The following TMC6 variants were observed in gnomAD, a reference collection of about 807,000 sequenced individuals.
TMC6 encodes the protein transmembrane channel like 6.
In TMC6, 71 loss-of-function variants were observed where a neutral mutation model predicts 95.4. The ratio of observed to expected loss-of-function variants is 0.74; its 90% confidence interval spans 0.61 to 0.91. The LOEUF is 0.91. TMC6 is among the 40% of genes least tolerant of loss of function. The pLI is 0.00. For missense variants in TMC6, 1,074 were observed against 1,079.1 expected (o/e 1.00, Z 0.07); for synonymous variants, 514 against 483.1 (o/e 1.06, Z -0.84).
In TMC6 at chr17:78,119,942, C is replaced by A. The variant is rs538067075; in HGVS notation, c.1716-550G>T. 10 of 343,348 alleles carry A rather than the reference C, an allele frequency of 2.9e-5. No homozygotes were observed. The East Asian group carries it at 7.3e-4, about 25-fold the overall frequency. 21.3% of individuals were successfully genotyped at this position (343,348 alleles called of 1,614,324 possible). A position where few individuals can be genotyped will look rare whatever the true frequency, so the allele number is the denominator to read the frequency against. ...GGATTACAGGCGTGAGCCACCACACCGGGCCTCCTACTGATTTTTTTAATC... is the reference window on the plus strand; with the variant it reads ...GGATTACAGGCGTGAGCCACCACACAGGGCCTCCTACTGATTTTTTTAATC... On this transcript the variant is annotated intron_variant, in intron 13 of 19. Transcript: ENST00000590602.
upstream of TMC6, chr17:78,132,029 G>A (rs1160736604): frequency 1.3e-6 from 2 of 1,534,416 alleles, no homozygotes; most frequent in Non-Finnish European, 1.7e-6. Flanking sequence ...ACGAGATCGG[G>A]GGTAGGACCC....
intron 1 of TMC6, among the ~76,000 whole-genome samples, chr17:78,127,762 A>G (rs559729063): frequency 3.7e-4 from 57 of 152,362 alleles, no homozygotes; most frequent in Non-Finnish European, 5.6e-4. Flanking sequence ...TTCCTCGGAC[A>G]GGCAAAGCCC....
Position 78,126,656 on chromosome 17 carries a change from G to A in TMC6, c.57-8C>T, listed in dbSNP as rs1327249649. On this transcript the variant is annotated splice_region_variant and splice_polypyrimidine_tract_variant and intron_variant, in intron 2 of 19. Coordinates refer to ENST00000590602, the MANE Select transcript of TMC6 (RefSeq NM_001127198.5). ...TAGGGGCTGGGGCCCTGGCTGCAGA[G>A]GGGGTTGGCGGGGGGGTCAGGCTCC... 2 of 1,612,884 alleles carry A rather than the reference G, an allele frequency of 1.2e-6. No individual in the cohort carries two copies. The highest frequency in any genetic ancestry group is 1.7e-6 in the Non-Finnish European group (2 of 1,179,864).
chr17:78,125,898 T>TGGGCA lies in TMC6; in HGVS notation c.272-19_272-15dup, dbSNP rs745306361. 2.6e-6 allele frequency: 4 copies of TGGGCA among 1,550,164 alleles called. No individual in the cohort carries two copies. In the South Asian group the frequency reaches 3.6e-5, roughly 14 times the overall value. On this transcript the variant is annotated splice_polypyrimidine_tract_variant and intron_variant, in intron 4 of 19. Transcript: ENST00000590602. ...CTCGGCTGCGGCCTATGGAGGCAGCTGGGCAGGGCCGGGCCGGGCAGGGCC... is the reference window on the plus strand; with the variant it reads ...CTCGGCTGCGGCCTATGGAGGCAGCTGGGCAGGGCAGGGCCGGGCCGGGCAGGGCC...
At chr17:78,119,447 G>C in intron 13 of TMC6, 55 bp from the exon 14 acceptor site, 1 of 1,584,298 alleles carries the variant, frequency 6.3e-7, no homozygotes, top group Non-Finnish European at 8.7e-7. Flanking sequence ...AGGGAGGCCA[G>C]CCTGAGTCCC....
rs1474865 is a variant in TMC6, at chr17:78,122,806, G to C, written c.1083-57C>G. On this transcript the variant is annotated intron_variant, in intron 9 of 19. Transcript: ENST00000590602. This position sits in a 1 kb window ranked among gnomAD's most constrained non-coding sequence, Gnocchi z 4.9. ...AACAAGCTGACGGGCAGAGGCCAAG[G>C]GGAGAAGGCAGACCGGATGCTCTGG... 0.12 allele frequency: 190,615 copies of C among 1,581,414 alleles called. 11,957 individuals are homozygous for C. Among genetic ancestry groups the C allele is most frequent in the South Asian group, 0.15 (13,598 of 87,972 alleles).
chr17:78,125,997 T>C lies in TMC6; in HGVS notation c.272-113A>G, dbSNP rs761772. The C allele has an allele frequency of 0.13, 180,636 of 1,441,458 alleles. 11,818 individuals are homozygous for C. Among genetic ancestry groups the C allele is most frequent in the South Asian group, 0.16 (12,982 of 80,620 alleles). 89.3% of individuals were successfully genotyped at this position (1,441,458 alleles called of 1,614,324 possible). A position where few individuals can be genotyped will look rare whatever the true frequency, so the allele number is the denominator to read the frequency against. The stretch of plus-strand genomic sequence containing the variant: ...CACCCCTTCCCAGGACCCAGGAAAA[T>C]CCTTTCAACAAAGACTTCAGGCACC... On this transcript the variant is annotated intron_variant, in intron 4 of 19. Transcript: ENST00000590602.
At chr17:78,117,713 C>T in intron 16 of TMC6, 69 bp from the exon 17 acceptor site, 1 of 1,559,112 alleles carries the variant, frequency 6.4e-7, no homozygotes, top group Non-Finnish European at 8.7e-7. Flanking sequence ...CCAGCCCGTC[C>T]TCTGCACCCC....
chr17:78,131,956 G>C (rs1399133417), upstream of TMC6: 1 of 1,517,806 alleles, frequency 6.6e-7, no homozygotes, highest in Non-Finnish European at 8.8e-7. Context: ...ACGGTGGAAA[G>C]GCGCCTGCGG....
intron 15 of TMC6, 134 bp downstream of exon 15, chr17:78,118,837 G>T: frequency 1.0e-6 from 1 of 973,624 alleles, no homozygotes; most frequent in Non-Finnish European, 1.6e-6. Flanking sequence ...ACAGGCCAGG[G>T]CAGCCCCGAG....
chr17:78,128,738 T>C lies in TMC6; in HGVS notation c.-201A>G, dbSNP rs889544476. 2.4e-5 allele frequency: 3 copies of C among 127,650 alleles called. No individual in the cohort carries two copies. The highest frequency in any genetic ancestry group is 3.2e-5 in the Non-Finnish European group (2 of 62,726). The allele number at this position is 127,650 out of a possible 1,614,324, so 7.9% of individuals were successfully genotyped here. A position where few individuals can be genotyped will look rare whatever the true frequency, so the allele number is the denominator to read the frequency against. On this transcript the variant is annotated 5_prime_UTR_variant, in exon 1 of 20. Transcript: ENST00000590602. The surrounding 1 kb of genome is among the most constrained non-coding windows in gnomAD (Gnocchi z 4.0). ...AGTGGCAAAGGGCCCCAGGGGCGACTGGGCCAGTCGCAGGTCTGCCGGGGC... is the reference window on the plus strand; with the variant it reads ...AGTGGCAAAGGGCCCCAGGGGCGACCGGGCCAGTCGCAGGTCTGCCGGGGC...
rs1434426967 is a variant in TMC6, at chr17:78,124,448, G to A, written c.891+76C>T. ...AAGGGTTGGGGGCCCCAGGGGAGCT[G>A]GGACAAGAAGGGAACACGGTACCAG... On this transcript the variant is annotated intron_variant, in intron 8 of 19. Transcript: ENST00000590602. 4.4e-6 allele frequency: 7 copies of A among 1,591,544 alleles called. No individual in the cohort carries two copies. In the African/African-American group the frequency reaches 6.7e-5, roughly 15 times the overall value.
Position 78,124,682 on chromosome 17 carries a change from C to T in TMC6, c.733G>A (p.Val245Met), listed in dbSNP as rs1567999403. The T allele has an allele frequency of 3.1e-6, 5 of 1,606,098 alleles. No individual in the cohort carries two copies. The Admixed American group carries it at 5.1e-5, about 16-fold the overall frequency. The change falls in exon 8 of 20, where the codon GTG (valine) becomes ATG (methionine). Residue 245 changes from valine (V) to methionine (M), a missense_variant. Val to Met is a conservative substitution (Grantham distance 21). Transcript: ENST00000590602. ...TTGAGAAAGAGGAAGTAGGAGAGCA[C>T]GCTGGAGCCGAACTGGCCCCCGATG... is the stretch of plus-strand genomic sequence containing the variant. Reference protein sequence around the residue: ...KRIGGQFGSSVLSYFLFLKTL... With the variant: ...KRIGGQFGSSMLSYFLFLKTL...
chr17:78,127,637 G>A (rs983750022), intron 1 of TMC6, among the ~76,000 whole-genome samples: 1 of 152,234 alleles, frequency 6.6e-6, no homozygotes. Context: ...CTGTGAGAGT[G>A]GAGCCAGGAC....
At chr17:78,114,735 A>G (rs1456924739) in intron 18 of TMC6, among the ~76,000 whole-genome samples, 1 of 152,182 alleles carries the variant, frequency 6.6e-6, no homozygotes, top group Non-Finnish European at 1.5e-5. Flanking sequence ...CTTAAGCAAC[A>G]ACCTAAGTAG....
At position 78,111,439 on chromosome 17, in the gene TMC6, A is replaced by G. The variant is rs944248384; in HGVS notation, c.*1709T>C. The G allele has an allele frequency of 4.6e-5, 7 of 152,376 alleles. No individual in the cohort carries two copies. Among genetic ancestry groups the G allele is most frequent in the African/African-American group, 1.7e-4 (7 of 41,476 alleles). The allele number at this position is 152,376 out of a possible 1,614,324, so 9.4% of individuals were successfully genotyped here. A position where few individuals can be genotyped will look rare whatever the true frequency, so the allele number is the denominator to read the frequency against. ...GGACCGTGATGGTTTGGAGGACAGC[A>G]TCTGCACAGATAGGGGCTGGAAACC... On this transcript the variant is annotated 3_prime_UTR_variant, in exon 20 of 20. Coordinates refer to ENST00000590602, the MANE Select transcript of TMC6 (RefSeq NM_001127198.5).
At chr17:78,123,558 T>C (rs552433092) in intron 9 of TMC6, among the ~76,000 whole-genome samples, 59 of 140,948 alleles carry the variant, frequency 4.2e-4, no homozygotes, top group Non-Finnish European at 8.1e-4. Context: ...GATGGGTGGG[T>C]GGATGGGTGA....
At chr17:78,129,703 T>C (rs760114995), upstream of TMC6, among the ~76,000 whole-genome samples, 9 of 152,166 alleles carry the variant, frequency 5.9e-5, no homozygotes, top group Non-Finnish European at 1.2e-4. The surrounding 1 kb of genome is among the most constrained non-coding windows in gnomAD (Gnocchi z 4.3). Context: ...GGTCCTCAGA[T>C]GGCTACCCCA....
Position 78,120,681 on chromosome 17 carries a change from C to T in TMC6, c.1687G>A (p.Asp563Asn), listed in dbSNP as rs760833588. Residue 563 changes from aspartate (D) to asparagine (N), a missense_variant, in exon 13 of 20, where the codon GAC (aspartate) becomes AAC (asparagine). Physicochemically the swap from Asp to Asn is conservative, Grantham distance 23. Transcript: ENST00000590602. ...LVMDFVLMLLDTLFGELVWRI... is the reference protein window; with the variant it reads ...LVMDFVLMLLNTLFGELVWRI... ...CACACCAGTTCCCCAAAAAGCGTGT[C>T]CAGCAACATGAGGACGAAGTCCATC... The T allele has an allele frequency of 6.2e-7, 1 of 1,614,052 alleles. No individual in the cohort carries two copies. Among genetic ancestry groups the T allele is most frequent in the Non-Finnish European group, 8.5e-7 (1 of 1,180,034 alleles).
Sources: allele counts gnomAD v4.1 joint callset (sites outside exome capture counted in the v4.1 genomes callset), GRCh38; gene constraint gnomAD v4.1.1; non-coding constraint Gnocchi (gnomAD v3.1); transcripts MANE v1.5; gene names NCBI Gene and HGNC (gene_info 2026-07-23, HGNC 2026-07-21).